The following HIPK3 variants were observed in gnomAD, a reference collection of about 807,000 sequenced individuals.
HIPK3 encodes homeodomain interacting protein kinase 3, also known as homeodomain-interacting protein kinase 3.
In HIPK3, 47 loss-of-function variants were observed where a neutral mutation model predicts 124.2. That is an observed-to-expected ratio of 0.38 (90% confidence interval 0.30 to 0.48). The LOEUF is 0.48. HIPK3 is among the 20% of genes least tolerant of loss of function. The probability of loss-of-function intolerance (pLI) is 0.98; values close to 1 mark genes in which losing one functional copy is unlikely to be tolerated. For missense variants in HIPK3, 1,286 were observed against 1,454.3 expected (o/e 0.88, Z 1.88); for synonymous variants, 482 against 515.2 (o/e 0.94, Z 0.87).
chr11:33,304,697 A>G (rs1852105108), intron 2 of HIPK3, among the ~76,000 whole-genome samples: 1 of 152,242 alleles, frequency 6.6e-6, no homozygotes, highest in South Asian at 2.1e-4. Flanking sequence ...GCTTCATTTA[A>G]CCAGTCCTCA....
chr11:33,291,160 C>T (rs919108388), intron 2 of HIPK3, among the ~76,000 whole-genome samples: 1 of 152,088 alleles, frequency 6.6e-6, no homozygotes, highest in African/African-American at 2.4e-5. Context: ...TACCACTACT[C>T]TGTTTAAGTA....
At chr11:33,346,133 T>C (rs950511258) in intron 8 of HIPK3, among the ~76,000 whole-genome samples, 5 of 152,174 alleles carry the variant, frequency 3.3e-5, no homozygotes, top group African/African-American at 1.2e-4. Flanking sequence ...TGTCAAAACT[T>C]TAAGCTGGAA....
intron 14 of HIPK3, among the ~76,000 whole-genome samples, chr11:33,349,857 C>A (rs113558296): frequency 6.6e-6 from 1 of 152,070 alleles, no homozygotes; most frequent in Non-Finnish European, 1.5e-5. Context: ...GCCTCCGCCT[C>A]CCCAGGTTCA....
intron 2 of HIPK3, 148 bp from the exon 3 acceptor site, chr11:33,328,362 A>G (rs545898827): frequency 1.6e-5 from 11 of 669,488 alleles, no homozygotes; most frequent in African/African-American, 1.6e-4. Context: ...GATTATGTCT[A>G]GGTTTCAAAG....
At chr11:33,300,073 G>A (rs192983810) in intron 2 of HIPK3, among the ~76,000 whole-genome samples, 1,533 of 150,306 alleles carry the variant, frequency 0.01, 8 homozygotes, top group Non-Finnish European at 0.015. Flanking sequence ...CAGGCACGGC[G>A]GCTCATGCCT....
At chr11:33,281,825 C>T (rs1053022092) in intron 1 of HIPK3, among the ~76,000 whole-genome samples, 1 of 152,076 alleles carries the variant, frequency 6.6e-6, no homozygotes, top group African/African-American at 2.4e-5. Context: ...GTCCATGTGT[C>T]AAGGTCTGTT....
At chr11:33,286,051 A>G (rs1275614598) in intron 1 of HIPK3, among the ~76,000 whole-genome samples, 1 of 152,198 alleles carries the variant, frequency 6.6e-6, no homozygotes, top group East Asian at 1.9e-4. Context: ...CTAGGATTAC[A>G]GGGATCTATA....
At chr11:33,272,260 G>T (rs533612772) in intron 1 of HIPK3, among the ~76,000 whole-genome samples, 2 of 152,192 alleles carry the variant, frequency 1.3e-5, no homozygotes, top group Non-Finnish European at 2.9e-5. Flanking sequence ...TTAGCTGGGC[G>T]TGGTGGCAGG....
intron 2 of HIPK3, among the ~76,000 whole-genome samples, chr11:33,316,823 AAAC>A (rs1252031979): frequency 6.6e-6 from 1 of 152,212 alleles, no homozygotes; most frequent in Non-Finnish European, 1.5e-5. Context: ...CCCCATCACA[AAAC>A]AACAACAAAA....
intron 16 of HIPK3, among the ~76,000 whole-genome samples, chr11:33,352,489 TAC>T (rs1032715652): frequency 6.6e-6 from 1 of 152,246 alleles, no homozygotes; most frequent in Non-Finnish European, 1.5e-5. Flanking sequence ...TAGGTTCTCT[TAC>T]ATAATATTAA....
intron 1 of HIPK3, among the ~76,000 whole-genome samples, chr11:33,261,207 A>AT (rs1003105898): frequency 1.6e-4 from 24 of 146,370 alleles, no homozygotes; most frequent in South Asian, 4.3e-4. Flanking sequence ...ATATATATGT[A>AT]TTTTTTTTTC....
rs779882976 is a variant in HIPK3, at chr11:33,351,725, A to C, written c.2925A>C (p.Glu975Asp). Residue 975 changes from glutamate to aspartate, a missense_variant, in exon 15 of 17, where the codon GAA (glutamate) becomes GAC (aspartate). Coordinates refer to ENST00000303296, the MANE Select transcript of HIPK3 (RefSeq NM_005734.5). ...AESTFVEDTH[E>D]NTELVSSADT... ...GCACTTTTGTGGAGGACACTCATGA[A>C]AACACAGAATTGGTATCCTCTGCTG... The C allele has an allele frequency of 6.2e-7, 1 of 1,614,190 alleles. No homozygotes were observed. Among genetic ancestry groups the C allele is most frequent in the Non-Finnish European group, 8.5e-7 (1 of 1,180,032 alleles).
intron 14 of HIPK3, 116 bp downstream of exon 14, chr11:33,349,403 A>G: frequency 1.2e-6 from 1 of 806,896 alleles, no homozygotes; most frequent in South Asian, 2.1e-5. Flanking sequence ...TCTATCTTGA[A>G]CACAATTTTT....
chr11:33,342,046 A>G (rs567103658), intron 8 of HIPK3, among the ~76,000 whole-genome samples: 1 of 147,660 alleles, frequency 6.8e-6, no homozygotes, highest in South Asian at 2.2e-4. Flanking sequence ...GAGGTTGCAG[A>G]GAGCCGAGAT....
chr11:33,330,916 C>T (rs561518696), intron 3 of HIPK3, among the ~76,000 whole-genome samples: 16 of 151,472 alleles, frequency 1.1e-4, no homozygotes, highest in South Asian at 2.1e-4. Context: ...CAGGGTCTCA[C>T]TCTGTCGCCC....
chr11:33,277,384 TTCA>T (rs1208634399), intron 1 of HIPK3, among the ~76,000 whole-genome samples: 3 of 152,246 alleles, frequency 2.0e-5, no homozygotes, highest in East Asian at 3.8e-4. Flanking sequence ...TTTGCTGCAC[TTCA>T]TCAGTTCTAG....
At chr11:33,281,110 C>T (rs557652426) in intron 1 of HIPK3, among the ~76,000 whole-genome samples, 23 of 135,592 alleles carry the variant, frequency 1.7e-4, no homozygotes, top group South Asian at 4.8e-4. Flanking sequence ...TGCTCTGTCG[C>T]CCAGGCTGGA....
chr11:33,295,284 C>CCA lies in HIPK3; in HGVS notation c.1097+7774_1097+7775insAC, dbSNP rs1001408817. Among the ~76,000 whole-genome samples, 19 of 149,650 alleles carry CCA rather than the reference C, an allele frequency of 1.3e-4. 1 individual carries two copies. Among genetic ancestry groups the CCA allele is most frequent in the African/African-American group, 4.2e-4 (17 of 40,432 alleles). Reference sequence around the variant, plus strand: ...AGAGAAGCAGCCACCACCGCCCCCCCCCCACAACTCCACCCCATCCCCGCC... The same window carrying CCA: ...AGAGAAGCAGCCACCACCGCCCCCCCCACCCACAACTCCACCCCATCCCCGCC... On this transcript the variant is annotated intron_variant, in intron 2 of 16. Coordinates refer to ENST00000303296, the MANE Select transcript of HIPK3 (RefSeq NM_005734.5).
chr11:33,355,329 TTG>T lies in HIPK3; in HGVS notation c.*1764_*1765del, dbSNP rs1481718078. 1 of 152,088 alleles carries T rather than the reference TTG, an allele frequency of 6.6e-6. No homozygotes were observed. Among genetic ancestry groups the T allele is most frequent in the Non-Finnish European group, 1.5e-5 (1 of 67,914 alleles). 9.4% of individuals were successfully genotyped at this position (152,088 alleles called of 1,614,324 possible). On this transcript the variant is annotated 3_prime_UTR_variant, in exon 17 of 17. Coordinates refer to ENST00000303296, the MANE Select transcript of HIPK3 (RefSeq NM_005734.5). Reference sequence around the variant, plus strand: ...ATCAGTATTTTATCTCTATTAATGTTTGTGCTCATCACTGCATATTAAAAAAA... The same window carrying T: ...ATCAGTATTTTATCTCTATTAATGTTTGCTCATCACTGCATATTAAAAAAA...
Sources: gnomAD v4.1 joint callset for allele counts (sites outside exome capture counted in the v4.1 genomes callset) on GRCh38, gnomAD v4.1.1 for gene constraint, MANE v1.5 for transcripts, NCBI Gene and HGNC (gene_info 2026-07-23, HGNC 2026-07-21) for gene names.